Variants in TMEM65 observed in about 807,000 individuals in gnomAD.
TMEM65 encodes the protein transmembrane protein 65.
A neutral mutation model predicts 25.4 loss-of-function variants in TMEM65; 22 were observed. The ratio of observed to expected loss-of-function variants is 0.86; its 90% CI spans 0.62 to 1.23. The LOEUF (loss-of-function observed/expected upper bound fraction) is 1.23. Among genes scored for constraint, TMEM65 ranks in the 50% most tolerant of loss-of-function variants. TMEM65 has a pLI of 0.00. For synonymous variants in TMEM65, 132 were observed against 126.2 expected, an observed-to-expected ratio of 1.05 and a Z score of -0.31; for missense variants, 262 against 308.2, an observed-to-expected ratio of 0.85 and a Z score of 1.12.
chr8:124,309,176 C>T lies in TMEM65; in HGVS notation c.*4784G>A, dbSNP rs190467472. The T allele has an allele frequency of 6.6e-6, 1 of 152,166 alleles. No individual in the cohort carries two copies. Among genetic ancestry groups the T allele is most frequent in the Non-Finnish European group, 1.5e-5 (1 of 68,028 alleles). The allele number at this position is 152,166 out of a possible 1,614,324, so 9.4% of individuals were successfully genotyped here. On this transcript the variant is annotated 3_prime_UTR_variant, in exon 7 of 7. Coordinates refer to ENST00000297632, the MANE Select transcript of TMEM65 (RefSeq NM_194291.3). ...TACAATATATGATACATATAACATA[C>T]AAAATACGTGTTAATCTACTGCTTA... is the stretch of plus-strand genomic sequence containing the variant.
At chr8:124,336,651 A>C (rs1253626862) in intron 1 of TMEM65, among the ~76,000 whole-genome samples, 2 of 152,018 alleles carry the variant, frequency 1.3e-5, no homozygotes, top group Admixed American at 1.3e-4. Flanking sequence ...GCAATATATC[A>C]AAATTTGTAG....
chr8:124,329,330 GA>G (rs1221924305), intron 2 of TMEM65, among the ~76,000 whole-genome samples: 1 of 151,836 alleles, frequency 6.6e-6, no homozygotes, highest in East Asian at 1.9e-4. Flanking sequence ...AGAGTATAAT[GA>G]AATTCTAAAA....
chr8:124,360,279 A>C (rs1814842444), intron 1 of TMEM65, among the ~76,000 whole-genome samples: 1 of 151,930 alleles, frequency 6.6e-6, no homozygotes, highest in Admixed American at 6.6e-5. Flanking sequence ...AAATGCAAAA[A>C]ATTAGCCGGG....
rs1023089858 is a variant in TMEM65, at chr8:124,308,001, T to G, written c.*5959A>C. 3.3e-5 allele frequency: 5 copies of G among 152,204 alleles called. No individual in the cohort carries two copies. Among genetic ancestry groups the G allele is most frequent in the Admixed American group, 1.3e-4 (2 of 15,274 alleles). 9.4% of individuals were successfully genotyped at this position (152,204 alleles called of 1,614,324 possible). Reference sequence around the variant, plus strand: ...ATGCTGTTGGGTTTATGATCAAGACTGCACTTATCTATAAAGCTGTTAACT... The same window carrying G: ...ATGCTGTTGGGTTTATGATCAAGACGGCACTTATCTATAAAGCTGTTAACT... On this transcript the variant is annotated 3_prime_UTR_variant, in exon 7 of 7. Transcript: ENST00000297632.
chr8:124,313,998 C>G lies in TMEM65; in HGVS notation c.685G>C (p.Gly229Arg), dbSNP rs774023832. Residue 229 changes from glycine (G) to arginine (R), a missense_variant, in exon 7 of 7, where the codon GGA becomes CGA. Transcript: ENST00000297632. ...TCCAGTTTTTCATCTTCTTCACCTC[C>G]TCCAAAGAAAATTAAAGGAAACATT... ...LGMFPLIFFG[G>R]GEEDEKLETK... is the part of the protein sequence containing the mutation. The G allele has an allele frequency of 6.2e-7, 1 of 1,613,558 alleles. No homozygotes were observed. The highest frequency in any genetic ancestry group is 2.2e-5 in the East Asian group (1 of 44,770).
In TMEM65 at chr8:124,314,026, T is replaced by C. The variant is rs150069873; in HGVS notation, c.657A>G (p.Leu219=). Residue 219 remains leucine, a synonymous_variant, in exon 7 of 7, where the codon CTA becomes CTG. Transcript: ENST00000297632. ...CAAAGAAAATTAAAGGAAACATTCC[T>C]AGAATGCAGCCAATAGTCACCCCAA... ...KAVGVTIGCI[L]GMFPLIFFGG... 4.2e-4 allele frequency: 676 copies of C among 1,613,632 alleles called. 1 individual carries two copies. The highest frequency in any genetic ancestry group is 3.1e-3 in the Admixed American group (183 of 59,990).
intron 1 of TMEM65, among the ~76,000 whole-genome samples, chr8:124,334,286 G>C (rs1017658032): frequency 2.0e-5 from 3 of 152,038 alleles, no homozygotes; most frequent in Admixed American, 2.0e-4. Context: ...CAATCCCAAA[G>C]TCACTCAAAT....
rs1267302559 is a variant in TMEM65 at position 124,308,021 on chromosome 8, T to C, written c.*5939A>G. ...AAGACTGCACTTATCTATAAAGCTGTTAACTCCCAAGTCTTGAAGGGAAAA... is the reference window on the plus strand; with the variant it reads ...AAGACTGCACTTATCTATAAAGCTGCTAACTCCCAAGTCTTGAAGGGAAAA... On this transcript the variant is annotated 3_prime_UTR_variant, in exon 7 of 7. Transcript: ENST00000297632. 1 of 152,190 alleles carries C rather than the reference T, an allele frequency of 6.6e-6. No homozygotes were observed. Among genetic ancestry groups the C allele is most frequent in the Non-Finnish European group, 1.5e-5 (1 of 68,048 alleles). 9.4% of individuals were successfully genotyped at this position (152,190 alleles called of 1,614,324 possible). A position where few individuals can be genotyped will look rare whatever the true frequency, so the allele number is the denominator to read the frequency against.
chr8:124,342,218 A>G (rs1397775957), intron 1 of TMEM65, among the ~76,000 whole-genome samples: 4 of 152,036 alleles, frequency 2.6e-5, no homozygotes, highest in African/African-American at 9.7e-5. Flanking sequence ...ATATTTGGTT[A>G]TTTACTCTTG....
chr8:124,341,851 T>C (rs1268339682), intron 1 of TMEM65, among the ~76,000 whole-genome samples: 1 of 152,020 alleles, frequency 6.6e-6, no homozygotes, highest in Admixed American at 6.6e-5. Flanking sequence ...CAACTTTGAT[T>C]TTCCGGTCAA....
chr8:124,368,640 A>G (rs1814972521), intron 1 of TMEM65, among the ~76,000 whole-genome samples: 1 of 152,194 alleles, frequency 6.6e-6, no homozygotes, highest in Non-Finnish European at 1.5e-5. Flanking sequence ...TCATGAGAAT[A>G]CTCAGGCAGC....
intron 1 of TMEM65, among the ~76,000 whole-genome samples, chr8:124,358,419 C>T (rs1366598457): frequency 6.6e-6 from 1 of 152,144 alleles, no homozygotes; most frequent in Non-Finnish European, 1.5e-5. Context: ...TGAACTATAA[C>T]CCAAGCAGGT....
At chr8:124,363,823 C>G (rs1024872180) in intron 1 of TMEM65, among the ~76,000 whole-genome samples, 2 of 106,754 alleles carry the variant, frequency 1.9e-5, no homozygotes, top group African/African-American at 7.6e-5. Flanking sequence ...GGCGACAGAG[C>G]GAGACTCCGT....
intron 1 of TMEM65, among the ~76,000 whole-genome samples, chr8:124,370,655 A>C (rs1815000539): frequency 6.6e-6 from 1 of 152,208 alleles, no homozygotes; most frequent in African/African-American, 2.4e-5. Context: ...CATCTGATTA[A>C]AAGCCACAAC....
At chr8:124,342,137 G>C (rs1814589948) in intron 1 of TMEM65, among the ~76,000 whole-genome samples, 1 of 151,986 alleles carries the variant, frequency 6.6e-6, no homozygotes, top group Non-Finnish European at 1.5e-5. Flanking sequence ...AAATTTCCCT[G>C]TCAACTGTAT....
intron 3 of TMEM65, among the ~76,000 whole-genome samples, chr8:124,324,767 G>A (rs1268420505): frequency 2.0e-5 from 3 of 152,010 alleles, no homozygotes; most frequent in African/African-American, 4.8e-5. Flanking sequence ...AGTCAAAGAT[G>A]GTTTGGGGGC....
At chr8:124,346,977 A>C (rs1256831026) in intron 1 of TMEM65, among the ~76,000 whole-genome samples, 1 of 152,216 alleles carries the variant, frequency 6.6e-6, no homozygotes, top group Non-Finnish European at 1.5e-5. Context: ...CTTAAAATGC[A>C]AACCATGTTA....
intron 6 of TMEM65, among the ~76,000 whole-genome samples, chr8:124,315,617 A>G (rs1269963941): frequency 3.9e-5 from 6 of 152,054 alleles, no homozygotes; most frequent in Non-Finnish European, 5.9e-5. Flanking sequence ...CACCCCGCCC[A>G]GCCCACATCC....
intron 1 of TMEM65, among the ~76,000 whole-genome samples, chr8:124,362,115 C>T (rs1390832085): frequency 2.0e-5 from 3 of 151,814 alleles, no homozygotes; most frequent in Admixed American, 2.0e-4. Context: ...TGGTCTTAAA[C>T]TCCTGACCTC....
Sources: allele counts gnomAD v4.1 joint callset (sites outside exome capture counted in the v4.1 genomes callset), GRCh38; gene constraint gnomAD v4.1.1; transcripts MANE v1.5; gene names NCBI Gene and HGNC (gene_info 2026-07-23, HGNC 2026-07-21).